EHBP1: variants seen among roughly 807,000 people sequenced by gnomAD.
The protein encoded by EHBP1 is EH domain-binding protein 1.
In EHBP1, 55 loss-of-function variants were observed where a neutral mutation model predicts 144.0. The observed-to-expected ratio is 0.38, with a 90% confidence interval of 0.31 to 0.48. The LOEUF (loss-of-function observed/expected upper bound fraction) is 0.48. Ranked by LOEUF, EHBP1 falls within the 20% of genes least tolerant of loss-of-function variation. The pLI is 0.98. For synonymous variants in EHBP1, 469 were observed against 472.7 expected (o/e 0.99, Z 0.10); for missense variants, 1,200 against 1,364.2 (o/e 0.88, Z 1.90).
At chr2:63,015,586 A>G (rs543753714) in intron 19 of EHBP1, among the ~76,000 whole-genome samples, 7 of 152,052 alleles carry the variant, frequency 4.6e-5, no homozygotes, top group Non-Finnish European at 1.0e-4. Flanking sequence ...GGTTCAAGCA[A>G]TTACGTTGCC....
At chr2:63,040,324 T>G (rs1280238379) in intron 21 of EHBP1, among the ~76,000 whole-genome samples, 1 of 152,112 alleles carries the variant, frequency 6.6e-6, no homozygotes, top group Non-Finnish European at 1.5e-5. Context: ...TACAGCTTGA[T>G]ACAATACAGT....
At chr2:62,890,837 TGTCTGCC>T in intron 10 of EHBP1, among the ~76,000 whole-genome samples, 1 of 152,214 alleles carries the variant, frequency 6.6e-6, no homozygotes, top group Non-Finnish European at 1.5e-5. Flanking sequence ...GAATTTATGT[TGTCTGCC>T]TATAGTGTAA....
At chr2:62,826,038 C>A in intron 5 of EHBP1, 49 bp from the exon 6 acceptor site, 2 of 1,325,958 alleles carry the variant, frequency 1.5e-6, no homozygotes, top group South Asian at 2.0e-5. Flanking sequence ...AAATGTTTGG[C>A]TATAAAATAA....
At chr2:62,898,543 T>C (rs1411764565) in intron 10 of EHBP1, among the ~76,000 whole-genome samples, 1 of 152,202 alleles carries the variant, frequency 6.6e-6, no homozygotes, top group Non-Finnish European at 1.5e-5. Flanking sequence ...TTCAAATCTC[T>C]TCTCAAATGC....
At chr2:62,999,120 T>G (rs776282596) in intron 19 of EHBP1, among the ~76,000 whole-genome samples, 34 of 152,140 alleles carry the variant, frequency 2.2e-4, no homozygotes, top group Non-Finnish European at 4.6e-4. Flanking sequence ...ATGATGAGAC[T>G]GAGGCTCAGA....
In EHBP1 at chr2:62,901,862, G is replaced by T. The variant is rs554293883; in HGVS notation, c.1185+27330G>T. Among the ~76,000 whole-genome samples, 17 of 151,978 alleles carry T rather than the reference G, an allele frequency of 1.1e-4. 1 individual carries two copies. In the East Asian group the frequency reaches 2.3e-3, roughly 21 times the overall value. On this transcript the variant is annotated intron_variant, in intron 10 of 22. Coordinates refer to ENST00000431489, the MANE Select transcript of EHBP1 (RefSeq NM_001142616.3). ...TTCCTGACGTCCCAGCTGCTTGGGA[G>T]GCTGAGGTAGGAAGATTTCTTGAGC...
intron 1 of EHBP1, among the ~76,000 whole-genome samples, chr2:62,690,830 C>T (rs955612405): frequency 1.3e-5 from 2 of 152,156 alleles, no homozygotes; most frequent in Non-Finnish European, 2.9e-5. Flanking sequence ...AAGGATTTTG[C>T]CCTCTCCCCA....
chr2:62,723,077 C>G (rs985789054), intron 2 of EHBP1, among the ~76,000 whole-genome samples: 3 of 152,118 alleles, frequency 2.0e-5, no homozygotes, highest in African/African-American at 4.8e-5. Flanking sequence ...AAGTTTCTGC[C>G]TTAGTGATCT....
chr2:62,971,932 G>A (rs1198595352), intron 14 of EHBP1, among the ~76,000 whole-genome samples: 1 of 152,120 alleles, frequency 6.6e-6, no homozygotes, highest in East Asian at 1.9e-4. Context: ...ATAGGAAAAG[G>A]TGAATGTCAT....
At chr2:62,836,944 A>G (rs2047312740) in intron 7 of EHBP1, among the ~76,000 whole-genome samples, 1 of 130,746 alleles carries the variant, frequency 7.6e-6, no homozygotes, top group East Asian at 2.3e-4. Context: ...AACTTCCCCA[A>G]TCTAGCAAGG....
chr2:62,865,122 C>A, intron 9 of EHBP1, 151 bp downstream of exon 9: 3 of 856,928 alleles, frequency 3.5e-6, no homozygotes, highest in Non-Finnish European at 5.3e-6. Flanking sequence ...TGTTTATAGT[C>A]TTAAACCTTA....
chr2:62,822,420 G>T (rs1283508279), intron 5 of EHBP1, among the ~76,000 whole-genome samples: 1 of 152,084 alleles, frequency 6.6e-6, no homozygotes, highest in Non-Finnish European at 1.5e-5. Context: ...CTCCTTTCAA[G>T]ATTGGTGACC....
chr2:62,688,214 T>C (rs2033783014), intron 1 of EHBP1, among the ~76,000 whole-genome samples: 1 of 152,188 alleles, frequency 6.6e-6, no homozygotes, highest in Non-Finnish European at 1.5e-5. Flanking sequence ...AGTAATGCCA[T>C]CTCCTTCCTT....
chr2:62,751,225 G>A (rs1035423305), intron 3 of EHBP1, among the ~76,000 whole-genome samples: 11 of 152,272 alleles, frequency 7.2e-5, no homozygotes, highest in Middle Eastern at 6.8e-3. Context: ...GGCCTTTTCT[G>A]CATCTATTGA....
chr2:62,708,450 TA>T (rs2034809953), intron 2 of EHBP1, among the ~76,000 whole-genome samples: 2 of 152,194 alleles, frequency 1.3e-5, no homozygotes, highest in South Asian at 4.1e-4. Context: ...ATGTATGACA[TA>T]AGGATTTTAA....
chr2:62,899,151 AAATT>A (rs1293533739), intron 10 of EHBP1, among the ~76,000 whole-genome samples: 3 of 152,196 alleles, frequency 2.0e-5, no homozygotes, highest in African/African-American at 7.2e-5. Context: ...GTTTAGGAGA[AAATT>A]AATTAATTGT....
rs562642662 is a variant in EHBP1, at chr2:62,696,066, G to A, written c.-295-10831G>A. 5.3e-5 allele frequency among the ~76,000 whole-genome samples: 8 copies of A among 151,946 alleles called. No homozygotes were observed. In the East Asian group the frequency reaches 9.7e-4, roughly 18 times the overall value. ...TACAAAGGAAATTAAAAAAGAAAACGTATCACATAATTTTTACATTAACAT... is the reference window on the plus strand; with the variant it reads ...TACAAAGGAAATTAAAAAAGAAAACATATCACATAATTTTTACATTAACAT... On this transcript the variant is annotated intron_variant, in intron 1 of 22. Coordinates refer to the EHBP1 transcript ENST00000405015.
chr2:62,682,875 G>A (rs2033579240), intron 1 of EHBP1, among the ~76,000 whole-genome samples: 1 of 152,122 alleles, frequency 6.6e-6, no homozygotes. Context: ...ACATTGAAGT[G>A]AAGTTCATCC....
At chr2:62,877,592 C>T (rs2051000102) in intron 10 of EHBP1, among the ~76,000 whole-genome samples, 1 of 152,180 alleles carries the variant, frequency 6.6e-6, no homozygotes, top group Non-Finnish European at 1.5e-5. Context: ...ACCACATGCT[C>T]AGTCATAACA....
Sources: allele counts gnomAD v4.1 joint callset (sites outside exome capture counted in the v4.1 genomes callset), GRCh38; gene constraint gnomAD v4.1.1; transcripts MANE v1.5; gene names NCBI Gene and HGNC (gene_info 2026-07-23, HGNC 2026-07-21).